Variants in SNAP25 observed in about 807,000 individuals in gnomAD.
The protein encoded by SNAP25 is synaptosomal-associated protein 25.
SNAP25 carries 3 observed loss-of-function variants against 28.7 expected under a neutral mutation model. The observed-to-expected ratio is 0.10, with a 90% CI of 0.05 to 0.27. The LOEUF (loss-of-function observed/expected upper bound fraction) is 0.27. Among genes scored for constraint, SNAP25 ranks in the 10% least tolerant of loss-of-function variants. The pLI is 1.00. For synonymous variants in SNAP25, 61 were observed against 88.1 expected, an observed-to-expected ratio of 0.69 and a Z score of 1.72; for missense variants, 117 against 278.7, an observed-to-expected ratio of 0.42 and a Z score of 4.13.
chr20:10,296,688 C>T (rs2064117817), intron 5 of SNAP25: 1 of 505,054 alleles, frequency 2.0e-6, no homozygotes, highest in Admixed American at 3.8e-5. Flanking sequence ...ACAAGAACAA[C>T]CTTGTGGGCA....
At chr20:10,298,921 C>T (rs541781202) in intron 6 of SNAP25, among the ~76,000 whole-genome samples, 15 of 152,258 alleles carry the variant, frequency 9.9e-5, no homozygotes, top group African/African-American at 2.6e-4. Context: ...ATTCCATCTT[C>T]GTGCTCTGAC....
chr20:10,295,609 A>T (rs2064092382), intron 5 of SNAP25, among the ~76,000 whole-genome samples: 1 of 152,110 alleles, frequency 6.6e-6, no homozygotes, highest in Non-Finnish European at 1.5e-5. Flanking sequence ...CCAGTCTGCA[A>T]GTATTAGAGC....
intron 1 of SNAP25, among the ~76,000 whole-genome samples, chr20:10,240,739 A>T (rs755491436): frequency 1.3e-5 from 2 of 152,016 alleles, no homozygotes; most frequent in Non-Finnish European, 2.9e-5. Flanking sequence ...AGACCCATCC[A>T]CCTGCCTGAG....
intron 1 of SNAP25, among the ~76,000 whole-genome samples, chr20:10,245,033 C>T (rs2063103026): frequency 6.6e-6 from 1 of 151,976 alleles, no homozygotes; most frequent in Non-Finnish European, 1.5e-5. Flanking sequence ...GGCTGGCCAT[C>T]ATCTATTAAA....
At chr20:10,240,354 T>A (rs915254750) in intron 1 of SNAP25, among the ~76,000 whole-genome samples, 2 of 152,230 alleles carry the variant, frequency 1.3e-5, no homozygotes, top group African/African-American at 4.8e-5. Flanking sequence ...TCTCCTTTTT[T>A]ACTTATCTCA....
At chr20:10,239,621 T>C (rs947126000) in intron 1 of SNAP25, among the ~76,000 whole-genome samples, 1 of 152,350 alleles carries the variant, frequency 6.6e-6, no homozygotes, top group South Asian at 2.1e-4. Context: ...TCATTTGCTA[T>C]TCACTCTGCC....
At position 10,228,915 on chromosome 20, in the gene SNAP25, G is replaced by A. The variant is rs988366497; in HGVS notation, c.-64+9938G>A. On this transcript the variant is annotated intron_variant, in intron 1 of 7. Transcript: ENST00000254976. The stretch of plus-strand genomic sequence containing the variant: ...TATCACATATTTTTTAGCTTGATCA[G>A]CATGCATAATAAAATGGGGAAATAT... 9.2e-5 allele frequency among the ~76,000 whole-genome samples: 14 copies of A among 152,212 alleles called. 1 individual carries two copies. Among genetic ancestry groups the A allele is most frequent in the African/African-American group, 2.9e-4 (12 of 41,542 alleles).
At chr20:10,268,232 T>C (rs2063536552) in intron 1 of SNAP25, among the ~76,000 whole-genome samples, 1 of 152,258 alleles carries the variant, frequency 6.6e-6, no homozygotes, top group Admixed American at 6.5e-5. Context: ...TCATAAACTT[T>C]TGTTGAATTT....
chr20:10,221,423 G>GA (rs1568566709), intron 1 of SNAP25, among the ~76,000 whole-genome samples: 1 of 151,916 alleles, frequency 6.6e-6, no homozygotes, highest in Non-Finnish European at 1.5e-5. Context: ...AGCTTCCAGG[G>GA]AAAAAAAATC....
At chr20:10,292,195 CA>C (rs546416399) in intron 4 of SNAP25, among the ~76,000 whole-genome samples, 346 of 152,276 alleles carry the variant, frequency 2.3e-3, no homozygotes, top group Middle Eastern at 0.01. Context: ...AAATGCCTTC[CA>C]AAACATTCAT....
At chr20:10,232,989 G>A (rs2062852635) in intron 1 of SNAP25, among the ~76,000 whole-genome samples, 1 of 152,150 alleles carries the variant, frequency 6.6e-6, no homozygotes, top group South Asian at 2.1e-4. Flanking sequence ...ATATAGATCT[G>A]CTTTCCCATC....
chr20:10,236,959 CATAAATAAATAAATAA>C (rs3063167), intron 1 of SNAP25, among the ~76,000 whole-genome samples: 1 of 146,498 alleles, frequency 6.8e-6, no homozygotes, highest in Non-Finnish European at 1.5e-5. Context: ...AAGGAAAATA[CATAAATAAATAAATAA>C]ATAAATAAAT....
chr20:10,303,765 C>T (rs1196242119), intron 7 of SNAP25, among the ~76,000 whole-genome samples: 1 of 152,164 alleles, frequency 6.6e-6, no homozygotes, highest in African/African-American at 2.4e-5. Context: ...TGATGGGAAT[C>T]ATTCATTTTC....
At position 10,297,038 on chromosome 20, in the gene SNAP25, G is replaced by C; in HGVS notation, c.395G>C (p.Gly132Ala). 2.5e-6 allele frequency: 4 copies of C among 1,600,750 alleles called. No individual in the cohort carries two copies. Among genetic ancestry groups the C allele is most frequent in the Non-Finnish European group, 3.4e-6 (4 of 1,172,888 alleles). The stretch of plus-strand genomic sequence containing the variant: ...CGGGAGCAGATGGCCATCAGTGGCG[G>C]CTTCATCCGCAGGTGAGCCTCATGC... The part of the protein sequence containing the change: ...DEREQMAISG[G>A]FIRRVTNDAR... The change falls in exon 6 of 8, where the codon GGC becomes GCC. Residue 132 changes from glycine (G) to alanine (A), a missense_variant. By Grantham distance (60) the Gly-to-Ala change is moderately conservative. Coordinates refer to ENST00000254976, the MANE Select transcript of SNAP25 (RefSeq NM_130811.4).
chr20:10,235,062 G>T (rs998182837), intron 1 of SNAP25, among the ~76,000 whole-genome samples: 3 of 151,522 alleles, frequency 2.0e-5, no homozygotes, highest in African/African-American at 7.3e-5. Context: ...GTGAGACCCT[G>T]TCTCTGCAGA....
intron 1 of SNAP25, among the ~76,000 whole-genome samples, chr20:10,249,743 G>A (rs2063192675): frequency 6.6e-6 from 1 of 152,146 alleles, no homozygotes; most frequent in Admixed American, 6.5e-5. Flanking sequence ...TTGGAGCCCA[G>A]GAATCTGTGT....
At chr20:10,278,883 G>A (rs2063734109) in intron 3 of SNAP25, among the ~76,000 whole-genome samples, 1 of 143,928 alleles carries the variant, frequency 6.9e-6, no homozygotes. Flanking sequence ...GTGGGAAGGA[G>A]GTGGCAAGCA....
intron 3 of SNAP25, among the ~76,000 whole-genome samples, chr20:10,280,982 A>G (rs1400186381): frequency 6.6e-6 from 1 of 152,196 alleles, no homozygotes; most frequent in Non-Finnish European, 1.5e-5. Flanking sequence ...TTCTAGTTTT[A>G]GTTCAGATGT....
chr20:10,239,604 T>C (rs1220061357), intron 1 of SNAP25, among the ~76,000 whole-genome samples: 1 of 152,238 alleles, frequency 6.6e-6, no homozygotes, highest in East Asian at 1.9e-4. Context: ...GCTCTATGCA[T>C]ATGAAGTCAT....
Sources: gnomAD v4.1 joint callset for allele counts (sites outside exome capture counted in the v4.1 genomes callset) on GRCh38, gnomAD v4.1.1 for gene constraint, MANE v1.5 for transcripts, NCBI Gene and HGNC (gene_info 2026-07-23, HGNC 2026-07-21) for gene names.